TNNI3K: variants seen among roughly 807,000 people sequenced by gnomAD.
TNNI3K encodes the protein TNNI3 interacting kinase.
TNNI3K carries 140 observed loss-of-function variants against 114.5 expected under a neutral mutation model. The ratio of observed to expected loss-of-function variants is 1.22; its 90% confidence interval spans 1.07 to 1.41. TNNI3K has a LOEUF of 1.41. TNNI3K is among the 40% of genes most tolerant of loss of function. The probability of loss-of-function intolerance (pLI) is 0.00; values close to 1 mark genes in which losing one functional copy is unlikely to be tolerated. For missense variants in TNNI3K, 1,125 were observed against 1,007.6 expected (o/e 1.12, Z -1.58); for synonymous variants, 347 against 347.5 (o/e 1.00, Z 0.02).
At chr1:74,440,196 G>T (rs1666315489) in intron 20 of TNNI3K, among the ~76,000 whole-genome samples, 1 of 151,962 alleles carries the variant, frequency 6.6e-6, no homozygotes, top group Non-Finnish European at 1.5e-5. Context: ...AGAAAGTGAA[G>T]GTGAGGAATC....
intron 2 of TNNI3K, among the ~76,000 whole-genome samples, chr1:74,238,709 G>A (rs187343084): frequency 6.6e-6 from 1 of 152,162 alleles, no homozygotes; most frequent in East Asian, 1.9e-4. Flanking sequence ...AATTTACTGA[G>A]GATAATGGTG....
intron 5 of TNNI3K, among the ~76,000 whole-genome samples, chr1:74,304,346 A>C (rs995730445): frequency 4.6e-5 from 7 of 152,204 alleles, no homozygotes; most frequent in African/African-American, 1.7e-4. Context: ...AGCCATCAAC[A>C]TCAAGGCAGG....
intron 5 of TNNI3K, among the ~76,000 whole-genome samples, chr1:74,291,885 C>A (rs1657698277): frequency 6.6e-6 from 1 of 151,484 alleles, no homozygotes; most frequent in Non-Finnish European, 1.5e-5. Context: ...TGTCTCAACA[C>A]CTTTTATTAA....
At chr1:74,321,455 G>C (rs1659607983) in intron 5 of TNNI3K, among the ~76,000 whole-genome samples, 1 of 151,890 alleles carries the variant, frequency 6.6e-6, no homozygotes, top group Non-Finnish European at 1.5e-5. Flanking sequence ...TTACTTGCTA[G>C]TTTCAATTAT....
intron 5 of TNNI3K, among the ~76,000 whole-genome samples, chr1:74,326,290 C>A (rs188356367): frequency 6.6e-6 from 1 of 152,146 alleles, no homozygotes; most frequent in Non-Finnish European, 1.5e-5. Context: ...TTCCATGGGA[C>A]ATTTGGTTCC....
At chr1:74,524,757 A>G (rs535154296) in intron 23 of TNNI3K, among the ~76,000 whole-genome samples, 1 of 142,500 alleles carries the variant, frequency 7.0e-6, no homozygotes, top group East Asian at 2.0e-4. Context: ...TTAAAAAAGT[A>G]AAAAAAAAAA....
intron 17 of TNNI3K, among the ~76,000 whole-genome samples, chr1:74,376,156 T>C (rs1382871314): frequency 6.6e-6 from 1 of 151,986 alleles, no homozygotes; most frequent in Non-Finnish European, 1.5e-5. Context: ...ACTCAAATAG[T>C]GAAGATTTTA....
At chr1:74,409,769 C>A (rs900522004) in intron 17 of TNNI3K, among the ~76,000 whole-genome samples, 1 of 152,168 alleles carries the variant, frequency 6.6e-6, no homozygotes, top group Non-Finnish European at 1.5e-5. Flanking sequence ...GCAGGGATTA[C>A]AGGCGTGAGC....
chr1:74,432,313 G>T (rs150747206), intron 17 of TNNI3K, among the ~76,000 whole-genome samples: 1 of 152,174 alleles, frequency 6.6e-6, no homozygotes, highest in East Asian at 1.9e-4. Context: ...TCATGAATAT[G>T]CTCTGCAATA....
intron 11 of TNNI3K, among the ~76,000 whole-genome samples, chr1:74,364,575 G>A (rs1055064548): frequency 4.0e-5 from 6 of 151,716 alleles, no homozygotes; most frequent in Admixed American, 3.3e-4. Context: ...CCCCAAAGAT[G>A]TTCAGGTCCT....
intron 4 of TNNI3K, among the ~76,000 whole-genome samples, chr1:74,261,218 A>C (rs1570387245): frequency 6.6e-6 from 1 of 152,114 alleles, no homozygotes; most frequent in East Asian, 1.9e-4. Flanking sequence ...AAAATTTATA[A>C]TCCCACTTAC....
At chr1:74,523,134 G>A (rs1435381615) in intron 23 of TNNI3K, among the ~76,000 whole-genome samples, 1 of 152,176 alleles carries the variant, frequency 6.6e-6, no homozygotes, top group African/African-American at 2.4e-5. Flanking sequence ...CAAGTTGCCT[G>A]ACCAATTTGC....
In TNNI3K at chr1:74,495,899, C is replaced by T. The variant is rs141978677; in HGVS notation, c.2351+3633C>T. Among the ~76,000 whole-genome samples the T allele has an allele frequency of 1.6e-4, 25 of 152,192 alleles. No individual in the cohort carries two copies. In the East Asian group the frequency reaches 4.4e-3, roughly 27 times the overall value. On this transcript the variant is annotated intron_variant, in intron 23 of 24. Transcript: ENST00000326637. Reference sequence around the variant, plus strand: ...CCTTTTCAGCTTGTGTATATGAAGGCAGAGGAAGTGAGAACAGCGATCAAT... The same window carrying T: ...CCTTTTCAGCTTGTGTATATGAAGGTAGAGGAAGTGAGAACAGCGATCAAT...
chr1:74,463,434 T>A lies in TNNI3K; in HGVS notation c.2012-7T>A, dbSNP rs942006283. Reference sequence around the variant, plus strand: ...TTTCAAAACTGACATGACCATTTGGTTTGCAGCGGCTGCGGCAGCAGACAT... The same window carrying A: ...TTTCAAAACTGACATGACCATTTGGATTGCAGCGGCTGCGGCAGCAGACAT... On this transcript the variant is annotated splice_region_variant and splice_polypyrimidine_tract_variant and intron_variant, in intron 20 of 24. Transcript: ENST00000326637. 8 of 1,614,096 alleles carry A rather than the reference T, an allele frequency of 5.0e-6. No homozygotes were observed. Among genetic ancestry groups the A allele is most frequent in the Non-Finnish European group, 5.9e-6 (7 of 1,180,042 alleles).
chr1:74,371,387 C>T (rs1332640913), intron 17 of TNNI3K: 1 of 151,606 alleles, frequency 6.6e-6, no homozygotes, highest in East Asian at 1.9e-4. Flanking sequence ...AAATATTTAC[C>T]TAAATGTATT....
intron 17 of TNNI3K, chr1:74,371,775 A>G (rs1466126891): frequency 6.6e-6 from 1 of 151,784 alleles, no homozygotes; most frequent in Non-Finnish European, 1.5e-5. Flanking sequence ...TAAGGAGACC[A>G]TAAAGAGGTT....
At position 74,463,551 on chromosome 1, in the gene TNNI3K, G is replaced by C. The variant is rs1667541032; in HGVS notation, c.2121+1G>C. On this transcript the variant is annotated splice_donor_variant, in intron 21 of 24. Transcript: ENST00000326637. LOFTEE classifies it high-confidence loss of function. ...ACGAGGGTGGAACGCATGTCCTGAA[G>C]TGAGTAATTTTTATTTCCTCTTAGA... 1 of 1,614,008 alleles carries C rather than the reference G, an allele frequency of 6.2e-7. No individual in the cohort carries two copies. Among genetic ancestry groups the C allele is most frequent in the Admixed American group, 1.7e-5 (1 of 59,988 alleles).
At chr1:74,495,630 A>G (rs551284690) in intron 23 of TNNI3K, among the ~76,000 whole-genome samples, 17 of 152,236 alleles carry the variant, frequency 1.1e-4, no homozygotes, top group Admixed American at 3.9e-4. Context: ...AGGTATTCCA[A>G]TTTTTATAGA....
chr1:74,449,210 G>A (rs1460742115), intron 20 of TNNI3K, among the ~76,000 whole-genome samples: 2 of 152,072 alleles, frequency 1.3e-5, no homozygotes, highest in Non-Finnish European at 2.9e-5. Context: ...ATGTGTAGAG[G>A]AATTTATCCA....
Sources: allele counts gnomAD v4.1 joint callset (sites outside exome capture counted in the v4.1 genomes callset), GRCh38; gene constraint gnomAD v4.1.1; transcripts MANE v1.5; gene names NCBI Gene and HGNC (gene_info 2026-07-23, HGNC 2026-07-21).